The following TCF25 variants were observed in gnomAD, a reference collection of about 807,000 sequenced individuals.
The protein encoded by TCF25 is TCF25 ribosome quality control complex subunit.
Under a neutral mutation model 83.1 loss-of-function variants are expected in TCF25, and 41 were observed. The observed-to-expected ratio is 0.49, with a 90% CI of 0.38 to 0.64. The LOEUF is 0.64. Among genes scored for constraint, TCF25 ranks in the 30% least tolerant of loss-of-function variants. The pLI is 0.00. For synonymous variants in TCF25, 458 were observed against 365.0 expected (o/e 1.25, Z -2.90); for missense variants, 979 against 914.5 (o/e 1.07, Z -0.91).
intron 14 of TCF25, among the ~76,000 whole-genome samples, chr16:89,905,720 C>T (rs1043714394): frequency 1.2e-4 from 19 of 152,232 alleles, no homozygotes. Context: ...CAGCCGCTGG[C>T]AGTCATGGGC....
chr16:89,878,960 C>T (rs149763742), intron 1 of TCF25, among the ~76,000 whole-genome samples: 27 of 152,312 alleles, frequency 1.8e-4, no homozygotes, highest in African/African-American at 5.8e-4. Flanking sequence ...GTTTGTCTGA[C>T]GGTGATTGAC....
chr16:89,908,325 C>T (rs114335836), intron 16 of TCF25, among the ~76,000 whole-genome samples: 11,243 of 133,246 alleles, frequency 0.084, 780 homozygotes, highest in East Asian at 0.2. Context: ...CTAGTTCCCA[C>T]TTCTTTCCTC....
rs111493956 is a variant in TCF25 at position 89,900,421 on chromosome 16, C to T, written c.1222-214C>T. Among the ~76,000 whole-genome samples, 538 of 152,264 alleles carry T rather than the reference C, an allele frequency of 3.5e-3. 4 individuals are homozygous for T. Among genetic ancestry groups the T allele is most frequent in the African/African-American group, 0.013 (520 of 41,560 alleles). On this transcript the variant is annotated intron_variant, in intron 11 of 17. Transcript: ENST00000263346. ...GCTCCGGCTCAGTCTACTTCTCAGG[C>T]CCTCCCACGTCCTCTGTATCTTCTG... is the stretch of plus-strand genomic sequence containing the variant.
Position 89,898,761 on chromosome 16 carries a change from CG to C in TCF25, c.1116-4del. On this transcript the variant is annotated splice_polypyrimidine_tract_variant and splice_region_variant and intron_variant, in intron 10 of 17. Coordinates refer to ENST00000263346, the MANE Select transcript of TCF25 (RefSeq NM_014972.3). ...TTTGCTCTGCTCTCTGTGCTGCCTC[CG>C]GAAGTCTCGAGCCGGATGAGGACCC... 6.2e-7 allele frequency: 1 copy of C among 1,613,778 alleles called. No homozygotes were observed. The highest frequency in any genetic ancestry group is 8.5e-7 in the Non-Finnish European group (1 of 1,180,028).
chr16:89,905,729 GC>G (rs1421626453), intron 14 of TCF25, among the ~76,000 whole-genome samples: 2 of 152,214 alleles, frequency 1.3e-5, no homozygotes, highest in African/African-American at 4.8e-5. Flanking sequence ...GCAGTCATGG[GC>G]CCGTCCGCGT....
chr16:89,910,372 C>G (rs1053285833), intron 16 of TCF25: 5 of 594,260 alleles, frequency 8.4e-6, no homozygotes, highest in Non-Finnish European at 1.5e-5. Context: ...TCTCCCTCAT[C>G]CTGTTCCCGC....
rs199908569 is a variant in TCF25 at position 89,910,608 on chromosome 16, A to G, written c.1817A>G (p.His606Arg). The change falls in exon 17 of 18, where the codon CAT (histidine) becomes CGT (arginine). Residue 606 changes from histidine to arginine, a missense_variant. Transcript: ENST00000263346. ...TCTTTCAGGCTAAGTCCTATCAGCC[A>G]TGGAAACACCATTGCTCTCTTCTTC... The part of the protein sequence containing the change: ...VRPERLSPIS[H>R]GNTIALFFRS... The G allele has an allele frequency of 6.8e-6, 11 of 1,613,650 alleles. No individual in the cohort carries two copies. Among genetic ancestry groups the G allele is most frequent in the Non-Finnish European group, 9.3e-6 (11 of 1,179,922 alleles).
intron 9 of TCF25, 43 bp from the exon 10 acceptor site, chr16:89,898,511 TCTC>T (rs2044062015): frequency 1.4e-6 from 2 of 1,463,530 alleles, no homozygotes; most frequent in Non-Finnish European, 1.9e-6. Flanking sequence ...CAGAGAGCAT[TCTC>T]CTTTGTGTCG....
intron 11 of TCF25, among the ~76,000 whole-genome samples, chr16:89,900,417 C>G (rs1283700169): frequency 6.6e-6 from 1 of 152,034 alleles, no homozygotes; most frequent in African/African-American, 2.4e-5. Flanking sequence ...GTCTACTTCT[C>G]AGGCCCTCCC....
chr16:89,899,545 A>G (rs576122130), intron 11 of TCF25, among the ~76,000 whole-genome samples: 1 of 152,274 alleles, frequency 6.6e-6, no homozygotes, highest in East Asian at 1.9e-4. Context: ...CAGCCTCAAC[A>G]TGGAGAAACC....
chr16:89,911,056 C>G lies in TCF25; in HGVS notation c.1873-24C>G, dbSNP rs200056244. 3,099 of 1,609,430 alleles carry G rather than the reference C, an allele frequency of 1.9e-3. 2 individuals carry two copies. Among genetic ancestry groups the G allele is most frequent in the Non-Finnish European group, 2.4e-3 (2,839 of 1,178,772 alleles). ...TAGTCCCAGCACAGACAGCCCCCTT[C>G]TCAGACATGTCCCCTTGCTGCAGGG... On this transcript the variant is annotated intron_variant, in intron 17 of 17. Transcript: ENST00000263346.
chr16:89,894,881 G>A (rs1360688547), intron 7 of TCF25, 157 bp from the exon 8 acceptor site: 7 of 550,214 alleles, frequency 1.3e-5, no homozygotes, highest in South Asian at 6.3e-5. Context: ...CTGATATCAA[G>A]TGATCCTCCT....
In TCF25 at chr16:89,911,346, G is replaced by C. The variant is rs1285501895; in HGVS notation, c.*108G>C. On this transcript the variant is annotated 3_prime_UTR_variant, in exon 18 of 18. Transcript: ENST00000263346. ...GGGAAGCTGAGTGTGTCGCTCCCTG[G>C]TCCACTGTTTCTCCTATAAATGTAA... 7.0e-7 allele frequency: 1 copy of C among 1,418,496 alleles called. No individual in the cohort carries two copies. Among genetic ancestry groups the C allele is most frequent in the Admixed American group, 1.9e-5 (1 of 53,522 alleles). 87.9% of individuals were successfully genotyped at this position (1,418,496 alleles called of 1,614,324 possible). A position where few individuals can be genotyped will look rare whatever the true frequency, so the allele number is the denominator to read the frequency against.
At chr16:89,906,831 T>G (rs2044830680) in intron 15 of TCF25, among the ~76,000 whole-genome samples, 2 of 152,126 alleles carry the variant, frequency 1.3e-5, no homozygotes, top group African/African-American at 4.8e-5. Context: ...GCTGTGAGCT[T>G]CTGACTCTCC....
chr16:89,895,730 G>A (rs1025845041), intron 8 of TCF25, among the ~76,000 whole-genome samples: 5 of 152,342 alleles, frequency 3.3e-5, no homozygotes, highest in Admixed American at 1.3e-4. Context: ...ACACATGGAC[G>A]CCTGGTTCTG....
chr16:89,900,837 G>T, intron 12 of TCF25, 43 bp downstream of exon 12: 1 of 1,495,062 alleles, frequency 6.7e-7, no homozygotes. Context: ...GGTGTGTCCT[G>T]TCAGCCGTGG....
chr16:89,892,125 AG>A, intron 5 of TCF25, 67 bp from the exon 6 acceptor site: 1 of 1,455,542 alleles, frequency 6.9e-7, no homozygotes, highest in East Asian at 2.6e-5. Context: ...TGCAGGGATC[AG>A]GCAGCCAAGC....
chr16:89,903,921 CA>C (rs2044559737), intron 12 of TCF25, among the ~76,000 whole-genome samples, 196 bp from the exon 13 acceptor site: 1 of 152,190 alleles, frequency 6.6e-6, no homozygotes, highest in Non-Finnish European at 1.5e-5. Context: ...AGGAGACCCC[CA>C]GCCTCAGACC....
At chr16:89,882,896 A>G (rs992859052) in intron 1 of TCF25, among the ~76,000 whole-genome samples, 30 of 152,190 alleles carry the variant, frequency 2.0e-4, no homozygotes, top group African/African-American at 7.2e-4. Flanking sequence ...TATCATTTTC[A>G]TTAGGAAAAG....
Sources: allele counts gnomAD v4.1 joint callset (sites outside exome capture counted in the v4.1 genomes callset), GRCh38; gene constraint gnomAD v4.1.1; transcripts MANE v1.5; gene names NCBI Gene and HGNC (gene_info 2026-07-23, HGNC 2026-07-21).